The following RIN2 variants were observed in gnomAD, a reference collection of about 807,000 sequenced individuals.
The protein encoded by RIN2 is RAB5 interacting protein 2.
Under a neutral mutation model 78.0 loss-of-function variants are expected in RIN2, and 36 were observed. The observed-to-expected ratio is 0.46, with a 90% confidence interval of 0.35 to 0.61. The LOEUF (loss-of-function observed/expected upper bound fraction) is 0.61. Among genes scored for constraint, RIN2 ranks in the 20% least tolerant of loss-of-function variants. The pLI is 0.00. For missense variants in RIN2, 1,087 were observed against 1,159.7 expected, an observed-to-expected ratio of 0.94 and a Z score of 0.91; for synonymous variants, 466 against 466.8, an observed-to-expected ratio of 1.00 and a Z score of 0.02.
At chr20:19,928,660 G>C (rs1278020989) in intron 3 of RIN2, among the ~76,000 whole-genome samples, 1 of 152,122 alleles carries the variant, frequency 6.6e-6, no homozygotes, top group African/African-American at 2.4e-5. Flanking sequence ...TCTTGCCCTT[G>C]GCCAGGATGC....
intron 4 of RIN2, among the ~76,000 whole-genome samples, chr20:19,952,335 T>C (rs74371558): frequency 0.036 from 5,502 of 152,314 alleles, 164 homozygotes; most frequent in South Asian, 0.16. Flanking sequence ...CATGGGTGCC[T>C]GCCCTAGAGG....
At chr20:19,843,895 A>T (rs953047645) in intron 2 of RIN2, among the ~76,000 whole-genome samples, 2 of 152,232 alleles carry the variant, frequency 1.3e-5, no homozygotes, top group African/African-American at 2.4e-5. Context: ...GAAACTACTG[A>T]CTTTATAAAG....
intron 3 of RIN2, among the ~76,000 whole-genome samples, chr20:19,893,071 T>A (rs1425650147): frequency 6.6e-6 from 1 of 152,188 alleles, no homozygotes; most frequent in Non-Finnish European, 1.5e-5. Flanking sequence ...CACATAATTA[T>A]AAATCATGTT....
chr20:19,807,189 T>C (rs2035437358), intron 2 of RIN2, among the ~76,000 whole-genome samples: 1 of 152,238 alleles, frequency 6.6e-6, no homozygotes, highest in Non-Finnish European at 1.5e-5. Context: ...GACATTTTTG[T>C]ATTATTCTAT....
At position 19,898,683 on chromosome 20, in the gene RIN2, A is replaced by T. The variant is rs562432892; in HGVS notation, c.57+9025A>T. Among the ~76,000 whole-genome samples the T allele has an allele frequency of 3.9e-5, 6 of 152,336 alleles. No homozygotes were observed. The South Asian group carries it at 1.2e-3, about 32-fold the overall frequency. On this transcript the variant is annotated intron_variant, in intron 3 of 12. Transcript: ENST00000255006. ...ACAGAACAGAAATCTGCAGGCTGGT[A>T]TATAACCTCACTGTGTCTGATCTCT...
intron 4 of RIN2, among the ~76,000 whole-genome samples, chr20:19,950,922 C>G (rs1404581842): frequency 6.8e-6 from 1 of 147,850 alleles, no homozygotes; most frequent in Non-Finnish European, 1.5e-5. Flanking sequence ...CAGAGTCTAA[C>G]TCTGTCACCC....
chr20:19,797,216 A>T (rs1456730976), intron 1 of RIN2, among the ~76,000 whole-genome samples: 1 of 152,146 alleles, frequency 6.6e-6, no homozygotes, highest in Non-Finnish European at 1.5e-5. Flanking sequence ...GCACACAGCA[A>T]ATTAGCTGTC....
intron 3 of RIN2, among the ~76,000 whole-genome samples, chr20:19,931,703 AT>A (rs1036762330): frequency 1.0e-5 from 1 of 100,242 alleles, no homozygotes; most frequent in African/African-American, 4.6e-5. Flanking sequence ...ATGCTTCTCG[AT>A]TTGCCTTTTT....
chr20:19,996,106 A>G (rs199607), intron 11 of RIN2, among the ~76,000 whole-genome samples: 136,770 of 152,244 alleles, frequency 0.9, 61,671 homozygotes, highest in African/African-American at 0.98. Flanking sequence ...GTTGAGGCCA[A>G]GGTTCAAGAC....
At chr20:19,906,630 A>T (rs1371722522) in intron 3 of RIN2, among the ~76,000 whole-genome samples, 1 of 152,226 alleles carries the variant, frequency 6.6e-6, no homozygotes, top group African/African-American at 2.4e-5. Context: ...GTCTGCGGCC[A>T]TCTGGAGAAT....
Position 19,910,729 on chromosome 20 carries a change from C to T in RIN2, c.57+21071C>T, listed in dbSNP as rs752124843. Among the ~76,000 whole-genome samples the T allele has an allele frequency of 4.6e-5, 7 of 151,204 alleles. No homozygotes were observed. The East Asian group carries it at 7.9e-4, about 17-fold the overall frequency. On this transcript the variant is annotated intron_variant, in intron 3 of 12. Coordinates refer to ENST00000255006, the MANE Select transcript of RIN2 (RefSeq NM_018993.4). ...GATTACAGGCGCCCACTACCACGCC[C>T]GGCTAATTTTGTATTTTTAATAGAG... is the stretch of plus-strand genomic sequence containing the variant.
At chr20:19,929,759 A>G (rs1415854747) in intron 3 of RIN2, among the ~76,000 whole-genome samples, 2 of 152,196 alleles carry the variant, frequency 1.3e-5, no homozygotes, top group Admixed American at 1.3e-4. Flanking sequence ...CAAAGAAGGA[A>G]ATTTTGAAGA....
intron 1 of RIN2, among the ~76,000 whole-genome samples, chr20:19,785,660 T>C (rs12480900): frequency 0.098 from 14,974 of 152,218 alleles, 819 homozygotes; most frequent in South Asian, 0.18. Flanking sequence ...CAATGTTGGC[T>C]ATCATTTTTA....
Position 19,815,531 on chromosome 20 carries a change from A to T in RIN2, c.-37+15784A>T, listed in dbSNP as rs191305761. Among the ~76,000 whole-genome samples, 10 of 152,318 alleles carry T rather than the reference A, an allele frequency of 6.6e-5. No homozygotes were observed. The Middle Eastern group carries it at 0.01, about 155-fold the overall frequency. On this transcript the variant is annotated intron_variant, in intron 2 of 12. Coordinates refer to ENST00000255006, the MANE Select transcript of RIN2 (RefSeq NM_018993.4). ...AATAGATTTCTTAGGCTTTGTTTTG[A>T]AAAGTTGCTTTTCTTTTTCTTCTTT...
intron 2 of RIN2, among the ~76,000 whole-genome samples, chr20:19,835,880 G>T (rs1455474310): frequency 2.0e-5 from 3 of 152,180 alleles, no homozygotes; most frequent in Non-Finnish European, 2.9e-5. Context: ...GAAGGAGAGA[G>T]TGCATCTTGC....
In RIN2 at chr20:19,891,640, G is replaced by A. The variant is rs532286595; in HGVS notation, c.57+1982G>A. On this transcript the variant is annotated intron_variant, in intron 3 of 12. Coordinates refer to ENST00000255006, the MANE Select transcript of RIN2 (RefSeq NM_018993.4). ...TCGAGACGAGCCTGGCCAACATGGC[G>A]AAACCCCATCTCTACTAAAAATACA... Among the ~76,000 whole-genome samples, 125 of 152,296 alleles carry A rather than the reference G, an allele frequency of 8.2e-4. 1 individual carries two copies. Among genetic ancestry groups the A allele is most frequent in the Non-Finnish European group, 1.3e-3 (87 of 68,026 alleles).
chr20:19,947,463 T>C (rs995122550), intron 4 of RIN2, among the ~76,000 whole-genome samples: 1 of 152,168 alleles, frequency 6.6e-6, no homozygotes, highest in African/African-American at 2.4e-5. Context: ...TTCTTTATGT[T>C]TGGGAGACAA....
At chr20:19,984,472 C>T (rs1016715898) in intron 9 of RIN2, among the ~76,000 whole-genome samples, 5 of 152,042 alleles carry the variant, frequency 3.3e-5, no homozygotes, top group Non-Finnish European at 7.4e-5. Flanking sequence ...AATACGGTAA[C>T]AGAATCTCAT....
intron 3 of RIN2, among the ~76,000 whole-genome samples, chr20:19,913,479 G>A (rs568662499): frequency 6.6e-6 from 1 of 152,304 alleles, no homozygotes; most frequent in East Asian, 1.9e-4. Context: ...GTACAATTCT[G>A]TGGCATTAAG....
Sources: allele counts gnomAD v4.1 joint callset (sites outside exome capture counted in the v4.1 genomes callset), GRCh38; gene constraint gnomAD v4.1.1; transcripts MANE v1.5; gene names NCBI Gene and HGNC (gene_info 2026-07-23, HGNC 2026-07-21).